Variants in DCAF10 observed in about 807,000 individuals in gnomAD.
DCAF10 encodes the protein DDB1- and CUL4-associated factor 10.
In DCAF10, 19 loss-of-function variants were observed where a neutral mutation model predicts 51.9. That is an observed-to-expected ratio of 0.37 (90% CI 0.26 to 0.54). The LOEUF (loss-of-function observed/expected upper bound fraction) is 0.54, where lower values mean the gene tolerates loss of function less well. Ranked by LOEUF, DCAF10 falls within the 20% of genes least tolerant of loss-of-function variation. DCAF10 has a pLI of 0.87. For synonymous variants in DCAF10, 291 were observed against 297.1 expected, an observed-to-expected ratio of 0.98 and a Z score of 0.21; for missense variants, 510 against 730.6, an observed-to-expected ratio of 0.70 and a Z score of 3.48.
chr9:37,853,413 C>CA (rs34861994), intron 3 of DCAF10, among the ~76,000 whole-genome samples: 88 of 111,806 alleles, frequency 7.9e-4, no homozygotes, highest in African/African-American at 2.5e-3. Flanking sequence ...AACTCCATCT[C>CA]AAAAAAAAAA....
chr9:37,838,687 T>C (rs1830244749), intron 2 of DCAF10, among the ~76,000 whole-genome samples: 1 of 151,874 alleles, frequency 6.6e-6, no homozygotes, highest in African/African-American at 2.4e-5. Flanking sequence ...GGGTCAGGAG[T>C]TTGTGACCAG....
chr9:37,834,633 T>A (rs1485924771), intron 2 of DCAF10, among the ~76,000 whole-genome samples: 1 of 152,218 alleles, frequency 6.6e-6, no homozygotes, highest in Non-Finnish European at 1.5e-5. Context: ...GGGTTTTAAA[T>A]CCATCTGTGC....
intron 3 of DCAF10, among the ~76,000 whole-genome samples, chr9:37,846,189 G>T (rs1171787610): frequency 6.6e-6 from 1 of 152,018 alleles, no homozygotes; most frequent in African/African-American, 2.4e-5. Context: ...TGAAAAGATG[G>T]TTTATCAATA....
At chr9:37,830,700 T>C (rs1241441748) in intron 2 of DCAF10, among the ~76,000 whole-genome samples, 1 of 152,254 alleles carries the variant, frequency 6.6e-6, no homozygotes, top group Admixed American at 6.5e-5. Context: ...TAATATGTTA[T>C]AATTTAAAAA....
intron 1 of DCAF10, among the ~76,000 whole-genome samples, chr9:37,810,533 C>T (rs1829308830): frequency 6.6e-6 from 1 of 151,926 alleles, no homozygotes; most frequent in South Asian, 2.1e-4. Context: ...GCAATCTTGG[C>T]TCATTGCAAC....
rs956354962 is a variant in DCAF10 at position 37,863,486 on chromosome 9, G to A, written c.*1978G>A. On this transcript the variant is annotated 3_prime_UTR_variant, in exon 7 of 7. Transcript: ENST00000377724. ...GAATCATTTGCATTATTTGACAAAT[G>A]AGAGAAGTGACATGACTTGCCTAAG... 3 of 152,176 alleles carry A rather than the reference G, an allele frequency of 2.0e-5. No homozygotes were observed. Among genetic ancestry groups the A allele is most frequent in the African/African-American group, 7.2e-5 (3 of 41,442 alleles). The allele number at this position is 152,176 out of a possible 1,614,324, so 9.4% of individuals were successfully genotyped here. A position where few individuals can be genotyped will look rare whatever the true frequency, so the allele number is the denominator to read the frequency against.
At chr9:37,810,956 G>A (rs1589078035) in intron 1 of DCAF10, among the ~76,000 whole-genome samples, 1 of 152,052 alleles carries the variant, frequency 6.6e-6, no homozygotes, top group Non-Finnish European at 1.5e-5. Flanking sequence ...CATTCCCTAC[G>A]TAGATTAAGA....
In DCAF10 at chr9:37,837,664, C is replaced by A. The variant is rs561908163; in HGVS notation, c.654-4425C>A. On this transcript the variant is annotated intron_variant, in intron 2 of 6. Transcript: ENST00000377724. ...GGGCTGAAACAGTTGGTATAGCAAC[C>A]CCAGAGAAGTGCTTCATTTTCTTTT... 2.0e-5 allele frequency among the ~76,000 whole-genome samples: 3 copies of A among 152,000 alleles called. No homozygotes were observed. The South Asian group carries it at 6.2e-4, about 32-fold the overall frequency.
rs564771742 is a variant in DCAF10 at position 37,858,488 on chromosome 9, A to G, written c.1165+1137A>G. 15 of 152,372 alleles carry G rather than the reference A, an allele frequency of 9.8e-5. No homozygotes were observed. The East Asian group carries it at 2.9e-3, about 29-fold the overall frequency. 9.4% of individuals were successfully genotyped at this position (152,372 alleles called of 1,614,324 possible). A position where few individuals can be genotyped will look rare whatever the true frequency, so the allele number is the denominator to read the frequency against. Reference sequence around the variant, plus strand: ...GAAAAAGAAACTTAATTTAAGAAGAATAGTTAACATGCTTGCTTGTTATTG... The same window carrying G: ...GAAAAAGAAACTTAATTTAAGAAGAGTAGTTAACATGCTTGCTTGTTATTG... On this transcript the variant is annotated intron_variant, in intron 5 of 6. Transcript: ENST00000377724.
chr9:37,853,084 G>A (rs1379680664), intron 3 of DCAF10, among the ~76,000 whole-genome samples: 8 of 140,862 alleles, frequency 5.7e-5, no homozygotes, highest in East Asian at 2.1e-4. Flanking sequence ...CCCAGGAGGC[G>A]GAGTTCACAG....
chr9:37,816,314 C>T (rs557961941), intron 1 of DCAF10, among the ~76,000 whole-genome samples: 130 of 152,272 alleles, frequency 8.5e-4, no homozygotes, highest in African/African-American at 2.9e-3. Flanking sequence ...TTGGGCCACG[C>T]GCGATGGCTC....
At chr9:37,800,787 C>T, upstream of DCAF10, 1 of 1,517,400 alleles carries the variant, frequency 6.6e-7, no homozygotes, top group Non-Finnish European at 8.8e-7. Context: ...CGCTGCACGC[C>T]GGAAGTGGCA....
chr9:37,837,744 T>C (rs1001706491), intron 2 of DCAF10, among the ~76,000 whole-genome samples: 1 of 152,136 alleles, frequency 6.6e-6, no homozygotes, highest in African/African-American at 2.4e-5. Context: ...TTTGGAGTAG[T>C]TATGACTTCT....
chr9:37,814,870 A>G (rs1317036285), intron 1 of DCAF10, among the ~76,000 whole-genome samples: 1 of 152,214 alleles, frequency 6.6e-6, no homozygotes, highest in Non-Finnish European at 1.5e-5. Context: ...CCATGATGTT[A>G]GCATACACTT....
chr9:37,801,511 G>A lies in DCAF10; in HGVS notation c.539+106G>A. The A allele has an allele frequency of 7.9e-7, 1 of 1,267,680 alleles. No homozygotes were observed. Among genetic ancestry groups the A allele is most frequent in the Non-Finnish European group, 1.0e-6 (1 of 986,966 alleles). The allele number at this position is 1,267,680 out of a possible 1,614,324, so 78.5% of individuals were successfully genotyped here. ...CCGCGCCCGGGCCGAGGTTAGCGAG[G>A]CCGTTTGGGGCCGCTGGCCTTCGTG... On this transcript the variant is annotated intron_variant, in intron 1 of 6. Coordinates refer to ENST00000377724, the MANE Select transcript of DCAF10 (RefSeq NM_024345.5). This position sits in a 1 kb window ranked among gnomAD's most constrained non-coding sequence, Gnocchi z 5.5.
At chr9:37,855,987 C>T (rs534443060) in intron 4 of DCAF10, among the ~76,000 whole-genome samples, 29 of 152,140 alleles carry the variant, frequency 1.9e-4, no homozygotes, top group African/African-American at 4.8e-4. Flanking sequence ...CCTGTCTCTA[C>T]GAAAAACACA....
intron 3 of DCAF10, among the ~76,000 whole-genome samples, chr9:37,843,978 T>A (rs1220656760): frequency 1.3e-5 from 2 of 151,928 alleles, no homozygotes; most frequent in Non-Finnish European, 2.9e-5. Flanking sequence ...CAATTATACG[T>A]CAAAGACAAA....
At chr9:37,816,316 C>T (rs776997184) in intron 1 of DCAF10, among the ~76,000 whole-genome samples, 6 of 152,166 alleles carry the variant, frequency 3.9e-5, no homozygotes, top group Admixed American at 1.3e-4. Context: ...GGGCCACGCG[C>T]GATGGCTCAC....
intron 3 of DCAF10, among the ~76,000 whole-genome samples, chr9:37,844,226 A>G (rs1038009297): frequency 6.6e-6 from 1 of 152,272 alleles, no homozygotes; most frequent in Admixed American, 6.5e-5. Flanking sequence ...TCTAGATAAG[A>G]TAGACAAAAA....
Sources: allele counts gnomAD v4.1 joint callset (sites outside exome capture counted in the v4.1 genomes callset), GRCh38; gene constraint gnomAD v4.1.1; non-coding constraint Gnocchi (gnomAD v3.1); transcripts MANE v1.5; gene names NCBI Gene and HGNC (gene_info 2026-07-23, HGNC 2026-07-21).